Variants in CDC14A observed in about 807,000 individuals in gnomAD.
The protein encoded by CDC14A is dual specificity protein phosphatase CDC14A.
A neutral mutation model predicts 74.4 loss-of-function variants in CDC14A; 53 were observed. The observed-to-expected ratio is 0.71, with a 90% confidence interval of 0.57 to 0.89. The LOEUF is 0.89. CDC14A is among the 40% of genes least tolerant of loss of function. The pLI is 0.00. For missense variants in CDC14A, 646 were observed against 713.7 expected, an observed-to-expected ratio of 0.91 and a Z score of 1.08; for synonymous variants, 247 against 258.4, an observed-to-expected ratio of 0.96 and a Z score of 0.43.
chr1:100,500,811 AGTGTGTGTGTGTGT>A lies in CDC14A; in HGVS notation c.1755+1578_1755+1591del, dbSNP rs58424420. On this transcript the variant is annotated intron_variant, in intron 15 of 15. Coordinates refer to ENST00000336454, the MANE Select transcript of CDC14A (RefSeq NM_003672.4). ...AGGATGTTTTCTAACATGAGAATGCAGTGTGTGTGTGTGTGTGTGTGTGTGTGTGTGTGTGTGTG... is the reference window on the plus strand; with the variant it reads ...AGGATGTTTTCTAACATGAGAATGCAGTGTGTGTGTGTGTGTGTGTGTGTG... Among the ~76,000 whole-genome samples the A allele has an allele frequency of 4.0e-4, 53 of 131,320 alleles. 1 individual carries two copies. Among genetic ancestry groups the A allele is most frequent in the South Asian group, 1.3e-3 (5 of 3,770 alleles). The allele number at this position is 131,320 out of a possible 152,430, so 86.2% of individuals were successfully genotyped here.
At chr1:100,455,310 C>T (rs1192990925) in intron 7 of CDC14A, 95 bp from the exon 8 acceptor site, 133 of 755,994 alleles carry the variant, frequency 1.8e-4, no homozygotes, top group Non-Finnish European at 2.2e-6. Flanking sequence ...CTAATTAGTA[C>T]TAAGAGTGAA....
intron 8 of CDC14A, 45 bp downstream of exon 8, chr1:100,455,537 ATCTT>A (rs1666601342): frequency 9.3e-7 from 1 of 1,073,542 alleles, no homozygotes; most frequent in Non-Finnish European, 1.4e-6. Context: ...ATTTTGATTT[ATCTT>A]TCTAAGTTTC....
intron 8 of CDC14A, chr1:100,462,284 G>A (rs187013090): frequency 4.5e-6 from 1 of 224,348 alleles, no homozygotes; most frequent in Admixed American, 5.2e-5. Flanking sequence ...GTCAAGTAGA[G>A]AATAAAGCTC....
chr1:100,451,471 A>G (rs960778500), intron 7 of CDC14A, among the ~76,000 whole-genome samples: 1 of 152,252 alleles, frequency 6.6e-6, no homozygotes, highest in Non-Finnish European at 1.5e-5. Context: ...TGGCATGTCA[A>G]CTTAAACCAA....
At chr1:100,414,238 G>A (rs921219492) in intron 4 of CDC14A, among the ~76,000 whole-genome samples, 2 of 152,200 alleles carry the variant, frequency 1.3e-5, no homozygotes, top group East Asian at 1.9e-4. Context: ...GGCCAAGGCG[G>A]TAGGATTGCC....
In CDC14A at chr1:100,439,959, C is replaced by T. The variant is rs771622183; in HGVS notation, c.417C>T (p.Tyr139=). 1 of 1,613,280 alleles carries T rather than the reference C, an allele frequency of 6.2e-7. No homozygotes were observed. Among genetic ancestry groups the T allele is most frequent in the East Asian group, 2.2e-5 (1 of 44,848 alleles). ...ATGCTTCCTTTGGAAATTGCACTTA[C>T]AATCTCACCATTCTCGACTGTTTGC... is the stretch of plus-strand genomic sequence containing the variant. The part of the protein sequence containing the change: ...FRDASFGNCT[Y]NLTILDCLQG... The change falls in exon 6 of 16, where the codon TAC becomes TAT. Residue 139 remains tyrosine (Y), a synonymous_variant. Coordinates refer to ENST00000336454, the MANE Select transcript of CDC14A (RefSeq NM_003672.4).
At chr1:100,351,463 C>A (rs1650988294), upstream of CDC14A, among the ~76,000 whole-genome samples, 1 of 152,218 alleles carries the variant, frequency 6.6e-6, no homozygotes, top group South Asian at 2.1e-4. Context: ...GGACGCCCAG[C>A]GTTCAAGTTG....
At chr1:100,448,182 A>G (rs961341759) in intron 7 of CDC14A, among the ~76,000 whole-genome samples, 4 of 152,154 alleles carry the variant, frequency 2.6e-5, no homozygotes, top group African/African-American at 9.6e-5. Context: ...TTAAATATCT[A>G]TTTGGGGATT....
intron 15 of CDC14A, among the ~76,000 whole-genome samples, chr1:100,514,495 G>A (rs187987196): frequency 1.2e-4 from 19 of 152,208 alleles, no homozygotes; most frequent in African/African-American, 3.9e-4. Flanking sequence ...CTATGTTAGG[G>A]TGATAGAGAA....
At chr1:100,470,456 G>GA (rs965511145) in intron 10 of CDC14A, among the ~76,000 whole-genome samples, 10 of 149,638 alleles carry the variant, frequency 6.7e-5, no homozygotes, top group East Asian at 5.9e-4. Flanking sequence ...AAAAAAGAAA[G>GA]AAAAAAAAAC....
intron 4 of CDC14A, among the ~76,000 whole-genome samples, chr1:100,413,308 T>G (rs1026963756): frequency 6.6e-6 from 1 of 152,184 alleles, no homozygotes; most frequent in Admixed American, 6.5e-5. Flanking sequence ...TATTCTTCAG[T>G]GAGTTCAAAG....
chr1:100,494,871 C>G lies in CDC14A; in HGVS notation c.1191C>G (p.Asp397Glu). The change falls in exon 12 of 16, where the codon GAC (aspartate) becomes GAG (glutamate). Residue 397 changes from aspartate (D) to glutamate (E), a missense_variant. By Grantham distance (45) the Asp-to-Glu change is conservative. Transcript: ENST00000336454. Reference protein sequence around the residue: ...VEMKNGITQGDKLRALKSQRQ... With the variant: ...VEMKNGITQGEKLRALKSQRQ... The stretch of plus-strand genomic sequence containing the variant: ...TGAAAAATGGTATAACCCAGGGAGA[C>G]AAACTACGTGCCTTAAAAAGTCAGA... 1 of 1,613,562 alleles carries G rather than the reference C, an allele frequency of 6.2e-7. No individual in the cohort carries two copies. Among genetic ancestry groups the G allele is most frequent in the Non-Finnish European group, 8.5e-7 (1 of 1,179,520 alleles).
intron 5 of CDC14A, among the ~76,000 whole-genome samples, chr1:100,435,823 TAA>T (rs10545372): frequency 0.34 from 32,397 of 96,186 alleles, 4,920 homozygotes; most frequent in East Asian, 0.51. Context: ...AGACTTCGTC[TAA>T]AAAAAAAAAA....
chr1:100,448,852 G>C (rs1047654448), intron 7 of CDC14A, among the ~76,000 whole-genome samples: 1 of 152,018 alleles, frequency 6.6e-6, no homozygotes, highest in Non-Finnish European at 1.5e-5. Context: ...TTTTTAGGAG[G>C]CTACCAGTAA....
intron 3 of CDC14A, among the ~76,000 whole-genome samples, chr1:100,381,060 A>G (rs908437799): frequency 6.6e-6 from 1 of 152,170 alleles, no homozygotes. Flanking sequence ...CATTCTCACT[A>G]GACTATGAGC....
chr1:100,499,420 A>G (rs1283684872), intron 15 of CDC14A, 158 bp downstream of exon 15: 2 of 1,531,720 alleles, frequency 1.3e-6, no homozygotes, highest in Non-Finnish European at 1.8e-6. Flanking sequence ...TCTATGCACT[A>G]CATTCTGCTA....
rs369134164 is a variant in CDC14A at position 100,366,279 on chromosome 1, T to C, written c.141-11267T>C. On this transcript the variant is annotated intron_variant, in intron 2 of 15. Coordinates refer to ENST00000336454, the MANE Select transcript of CDC14A (RefSeq NM_003672.4). The stretch of plus-strand genomic sequence containing the variant: ...CTGTGATGAATATGCTAACTAGTAA[T>C]GCCTTGCTCAGAATAGGTAGTCATA... Among the ~76,000 whole-genome samples, 292 of 152,356 alleles carry C rather than the reference T, an allele frequency of 1.9e-3. 1 individual carries two copies. Among genetic ancestry groups the C allele is most frequent in the Middle Eastern group, 6.8e-3 (2 of 294 alleles).
chr1:100,410,689 A>G (rs771506039), intron 4 of CDC14A, among the ~76,000 whole-genome samples: 25 of 152,262 alleles, frequency 1.6e-4, no homozygotes, highest in Non-Finnish European at 3.2e-4. Context: ...TAAAAAGTAT[A>G]TTAGACTTTA....
chr1:100,353,930 G>A, intron 2 of CDC14A, 78 bp downstream of exon 2: 2 of 780,346 alleles, frequency 2.6e-6, no homozygotes. Context: ...CACTTTTATG[G>A]CAGTTTTATT....
Sources: gnomAD v4.1 joint callset for allele counts (sites outside exome capture counted in the v4.1 genomes callset) on GRCh38, gnomAD v4.1.1 for gene constraint, MANE v1.5 for transcripts, NCBI Gene and HGNC (gene_info 2026-07-23, HGNC 2026-07-21) for gene names.